CTNNA1: variants seen among roughly 807,000 people sequenced by gnomAD.
CTNNA1 encodes catenin alpha 1.
Under a neutral mutation model 98.4 loss-of-function variants are expected in CTNNA1, and 37 were observed. The ratio of observed to expected loss-of-function variants is 0.38; its 90% CI spans 0.29 to 0.49. The LOEUF (loss-of-function observed/expected upper bound fraction) is 0.49. CTNNA1 is among the 20% of genes least tolerant of loss of function. The pLI, the probability that CTNNA1 is intolerant of heterozygous loss-of-function variation, is 0.95. For synonymous variants in CTNNA1, 404 were observed against 413.2 expected (o/e 0.98, Z 0.27); for missense variants, 761 against 1,147.2 (o/e 0.66, Z 4.86).
chr5:138,771,230 T>C (rs1390918578), intron 1 of CTNNA1, among the ~76,000 whole-genome samples: 2 of 152,028 alleles, frequency 1.3e-5, no homozygotes, highest in Admixed American at 6.6e-5. Context: ...TTTGTTTACT[T>C]TTTGTCCTTT....
intron 10 of CTNNA1, among the ~76,000 whole-genome samples, chr5:138,910,005 AC>A (rs1218552905): frequency 3.3e-5 from 5 of 152,056 alleles, no homozygotes; most frequent in African/African-American, 1.2e-4. Flanking sequence ...CTGGTTTTTT[AC>A]AAAGCAGTTT....
intron 7 of CTNNA1, among the ~76,000 whole-genome samples, chr5:138,829,208 T>G (rs1418381156): frequency 1.3e-5 from 2 of 152,188 alleles, no homozygotes; most frequent in Admixed American, 1.3e-4. Flanking sequence ...AAAAGTGGTT[T>G]TTAAGTCACA....
intron 7 of CTNNA1, among the ~76,000 whole-genome samples, chr5:138,848,807 C>T (rs1270724000): frequency 6.6e-6 from 1 of 152,150 alleles, no homozygotes; most frequent in African/African-American, 2.4e-5. Context: ...TCACTGCAAC[C>T]TCCACTTCCT....
rs547239483 is a variant in CTNNA1 at position 138,935,022 on chromosome 5, T to G, written c.*933T>G. 7 of 152,248 alleles carry G rather than the reference T, an allele frequency of 4.6e-5. No individual in the cohort carries two copies. Among genetic ancestry groups the G allele is most frequent in the Non-Finnish European group, 8.8e-5 (6 of 68,050 alleles). The allele number at this position is 152,248 out of a possible 1,614,324, so 9.4% of individuals were successfully genotyped here. Reference sequence around the variant, plus strand: ...TAACTTTTCCCAATAAAGTCCACTATGAAACCACGACATCCAAGAGCCCAA... The same window carrying G: ...TAACTTTTCCCAATAAAGTCCACTAGGAAACCACGACATCCAAGAGCCCAA... On this transcript the variant is annotated 3_prime_UTR_variant, in exon 18 of 18. Coordinates refer to ENST00000302763, the MANE Select transcript of CTNNA1 (RefSeq NM_001903.5).
At chr5:138,932,099 A>T (rs1765478529) in intron 16 of CTNNA1, 1 of 986,406 alleles carries the variant, frequency 1.0e-6, no homozygotes, top group Middle Eastern at 5.2e-4. Context: ...GGCTTTTGTC[A>T]TCAGGCATTA....
At chr5:138,818,121 T>G (rs187089164) in intron 5 of CTNNA1, among the ~76,000 whole-genome samples, 1 of 151,596 alleles carries the variant, frequency 6.6e-6, no homozygotes, top group Admixed American at 6.6e-5. Flanking sequence ...TTTCCCCCTT[T>G]TTTTTCCTTT....
intron 7 of CTNNA1, among the ~76,000 whole-genome samples, chr5:138,842,617 T>C (rs899431156): frequency 2.6e-5 from 4 of 152,170 alleles, no homozygotes; most frequent in African/African-American, 9.7e-5. Flanking sequence ...ATGCCAGAGG[T>C]TGCAAATTTT....
chr5:138,918,975 C>T (rs1269695452), intron 11 of CTNNA1, among the ~76,000 whole-genome samples: 1 of 152,166 alleles, frequency 6.6e-6, no homozygotes, highest in Non-Finnish European at 1.5e-5. Context: ...CCAATGCCTC[C>T]CTGTCTTCAC....
intron 16 of CTNNA1, chr5:138,932,335 A>C: frequency 7.6e-7 from 1 of 1,322,210 alleles, no homozygotes; most frequent in Non-Finnish European, 9.7e-7. Context: ...GGCCTTGGCT[A>C]TACAACCAGT....
At chr5:138,833,004 G>A (rs182592916) in intron 7 of CTNNA1, among the ~76,000 whole-genome samples, 46 of 152,126 alleles carry the variant, frequency 3.0e-4, no homozygotes, top group Admixed American at 5.2e-4. Context: ...TCCTTTCTCC[G>A]TTTTTTAAGG....
At chr5:138,780,477 G>A (rs1351382330) in intron 1 of CTNNA1, among the ~76,000 whole-genome samples, 1 of 151,856 alleles carries the variant, frequency 6.6e-6, no homozygotes, top group Non-Finnish European at 1.5e-5. Flanking sequence ...ACAGGCGTGA[G>A]CCACTGCGCC....
At chr5:138,762,560 T>G (rs1442855167) in intron 1 of CTNNA1, among the ~76,000 whole-genome samples, 2 of 152,126 alleles carry the variant, frequency 1.3e-5, no homozygotes. Context: ...TAATGGAGCT[T>G]GAAATTAGCA....
At chr5:138,830,012 A>G (rs557454348) in intron 7 of CTNNA1, among the ~76,000 whole-genome samples, 37 of 152,046 alleles carry the variant, frequency 2.4e-4, no homozygotes, top group South Asian at 1.7e-3. Flanking sequence ...TAAAAATACA[A>G]AAAAATTAGC....
intron 12 of CTNNA1, among the ~76,000 whole-genome samples, chr5:138,925,039 G>A (rs1342903878): frequency 6.6e-6 from 1 of 152,226 alleles, no homozygotes; most frequent in Non-Finnish European, 1.5e-5. Flanking sequence ...CTCACTTCAA[G>A]TTCTCAACCA....
At chr5:138,776,825 A>G (rs1390656179) in intron 1 of CTNNA1, among the ~76,000 whole-genome samples, 8 of 127,224 alleles carry the variant, frequency 6.3e-5, no homozygotes, top group East Asian at 2.7e-4. Context: ...TCCCTCCCGG[A>G]CGGGGCGGCT....
At chr5:138,912,549 G>A (rs1398083729) in intron 10 of CTNNA1, among the ~76,000 whole-genome samples, 1 of 152,196 alleles carries the variant, frequency 6.6e-6, no homozygotes, top group Non-Finnish European at 1.5e-5. Context: ...ACAGTTGATA[G>A]CTAACATTAT....
In CTNNA1 at chr5:138,785,892, C is replaced by A. The variant is rs117148317; in HGVS notation, c.301+2520C>A. Among the ~76,000 whole-genome samples, 538 of 152,268 alleles carry A rather than the reference C, an allele frequency of 3.5e-3. 14 individuals carry two copies. The East Asian group carries it at 0.062, about 17-fold the overall frequency. On this transcript the variant is annotated intron_variant, in intron 3 of 17. Coordinates refer to ENST00000302763, the MANE Select transcript of CTNNA1 (RefSeq NM_001903.5). ...TACAGGCATGAGCCAGTGCGCCTGGCCACATTTATTTTTAAAATGCATTTA... is the reference window on the plus strand; with the variant it reads ...TACAGGCATGAGCCAGTGCGCCTGGACACATTTATTTTTAAAATGCATTTA...
chr5:138,763,395 ATTCAATAT>A (rs1428120474), intron 1 of CTNNA1, among the ~76,000 whole-genome samples: 2 of 152,190 alleles, frequency 1.3e-5, no homozygotes, highest in African/African-American at 4.8e-5. Flanking sequence ...ATTTCATTAG[ATTCAATAT>A]TTCAATATTA....
In CTNNA1 at chr5:138,873,891, G is replaced by A; in HGVS notation, c.1063-12321G>A. On this transcript the variant is annotated intron_variant, in intron 7 of 17. Transcript: ENST00000302763. This position sits in a 1 kb window ranked among gnomAD's most constrained non-coding sequence, Gnocchi z 6.1. ...TGCAGACTGCTTAGCCGTAGGAAAT[G>A]AGCAAAATTAATCTTCGTCAGCTGG... 6.2e-7 allele frequency: 1 copy of A among 1,613,972 alleles called. No individual in the cohort carries two copies. The highest frequency in any genetic ancestry group is 1.1e-5 in the South Asian group (1 of 91,062).
Sources: gnomAD v4.1 joint callset for allele counts (sites outside exome capture counted in the v4.1 genomes callset) on GRCh38, gnomAD v4.1.1 for gene constraint, Gnocchi (gnomAD v3.1) non-coding constraint, MANE v1.5 for transcripts, NCBI Gene and HGNC (gene_info 2026-07-23, HGNC 2026-07-21) for gene names.